MICU1: variants seen among roughly 807,000 people sequenced by gnomAD.
MICU1 encodes mitochondrial calcium uptake 1, also known as calcium uptake protein 1, mitochondrial.
MICU1 carries 45 observed loss-of-function variants against 56.8 expected under a neutral mutation model. The observed-to-expected ratio is 0.79, with a 90% confidence interval of 0.62 to 1.02. The LOEUF (loss-of-function observed/expected upper bound fraction) is 1.02. Ranked by LOEUF, MICU1 falls within the 50% of genes least tolerant of loss-of-function variation. The pLI, the probability that MICU1 is intolerant of heterozygous loss-of-function variation, is 0.00. For missense variants in MICU1, 504 were observed against 587.1 expected (o/e 0.86, Z 1.46); for synonymous variants, 186 against 195.1 (o/e 0.95, Z 0.39).
chr10:72,411,787 C>T (rs1324445187), intron 9 of MICU1, among the ~76,000 whole-genome samples: 1 of 152,122 alleles, frequency 6.6e-6, no homozygotes, highest in Non-Finnish European at 1.5e-5. Context: ...TAGTTTCTAA[C>T]TAACACTCTG....
At chr10:72,578,342 C>T (rs1564944443) in intron 1 of MICU1, among the ~76,000 whole-genome samples, 1 of 151,936 alleles carries the variant, frequency 6.6e-6, no homozygotes, top group East Asian at 1.9e-4. Flanking sequence ...ACAGCAAACT[C>T]TGCCTCTGGG....
At chr10:72,507,239 T>C (rs1474988498) in intron 6 of MICU1, among the ~76,000 whole-genome samples, 4 of 152,128 alleles carry the variant, frequency 2.6e-5, no homozygotes, top group African/African-American at 9.7e-5. Context: ...TAGATTTTAA[T>C]AGACTACACA....
At chr10:72,426,045 T>G (rs941784296) in intron 8 of MICU1, among the ~76,000 whole-genome samples, 4 of 152,172 alleles carry the variant, frequency 2.6e-5, no homozygotes, top group African/African-American at 9.7e-5. Flanking sequence ...AGCAACTTTT[T>G]TTGTTGTTGT....
chr10:72,482,214 T>C (rs1866321861), intron 6 of MICU1, among the ~76,000 whole-genome samples: 2 of 152,212 alleles, frequency 1.3e-5, no homozygotes, highest in African/African-American at 2.4e-5. Context: ...GAACTAAAGT[T>C]CTAATTCTGG....
intron 11 of MICU1, among the ~76,000 whole-genome samples, chr10:72,368,574 A>G (rs1862224515): frequency 6.6e-6 from 1 of 152,252 alleles, no homozygotes; most frequent in Non-Finnish European, 1.5e-5. Context: ...GTTGAATGAA[A>G]ATACAGTATA....
At chr10:72,505,741 A>G (rs1361300088) in intron 6 of MICU1, among the ~76,000 whole-genome samples, 3 of 152,156 alleles carry the variant, frequency 2.0e-5, no homozygotes, top group Non-Finnish European at 2.9e-5. Context: ...GTTCTCATTT[A>G]TAAGTGGGAG....
chr10:72,462,530 ATGC>A lies in MICU1; in HGVS notation c.933+12567_933+12569del, dbSNP rs553146270. On this transcript the variant is annotated intron_variant, in intron 8 of 11. Coordinates refer to ENST00000361114, the MANE Select transcript of MICU1 (RefSeq NM_001195518.2). ...TTTTGTTTGAATATATACTACACAT[ATGC>A]TCGAGACTGACAGAAGTCTGTAGCC... Among the ~76,000 whole-genome samples, 16 of 152,212 alleles carry A rather than the reference ATGC, an allele frequency of 1.1e-4. 1 individual carries two copies. The highest frequency in any genetic ancestry group is 2.1e-4 in the Non-Finnish European group (14 of 68,038).
In MICU1 at chr10:72,624,459, T is replaced by C. The variant is rs190575208; in HGVS notation, c.-2+1551A>G. ...TCCCAAATTGCTGGGATTATGGGCC[T>C]GAGACACCACACCCAGCCTGTTTTA... is the stretch of plus-strand genomic sequence containing the variant. On this transcript the variant is annotated intron_variant, in intron 1 of 11. Coordinates refer to ENST00000361114, the MANE Select transcript of MICU1 (RefSeq NM_001195518.2). 3.4e-3 allele frequency among the ~76,000 whole-genome samples: 520 copies of C among 152,326 alleles called. 1 individual carries two copies. Among genetic ancestry groups the C allele is most frequent in the African/African-American group, 0.012 (503 of 41,578 alleles).
chr10:72,375,695 G>C, intron 11 of MICU1, 88 bp downstream of exon 11: 1 of 1,226,236 alleles, frequency 8.2e-7, no homozygotes, highest in East Asian at 2.6e-5. Context: ...CTGGTACACA[G>C]ATGCTGTCCG....
intron 1 of MICU1, among the ~76,000 whole-genome samples, chr10:72,580,584 C>A (rs1840872989): frequency 6.6e-6 from 1 of 152,188 alleles, no homozygotes; most frequent in African/African-American, 2.4e-5. Context: ...TCAAGTGATT[C>A]TCCTGCCTCA....
At position 72,423,376 on chromosome 10, in the gene MICU1, G is replaced by C. The variant is rs57559047; in HGVS notation, c.934-5C>G. ...CACAGGGTCATGGCGTTCAAACTGGGAGGGAAACAGAAAGAATGTTCCTAG... is the reference window on the plus strand; with the variant it reads ...CACAGGGTCATGGCGTTCAAACTGGCAGGGAAACAGAAAGAATGTTCCTAG... On this transcript the variant is annotated splice_polypyrimidine_tract_variant and splice_region_variant and intron_variant, in intron 8 of 11. Transcript: ENST00000361114. 1.9e-6 allele frequency: 3 copies of C among 1,613,172 alleles called. No homozygotes were observed. Among genetic ancestry groups the C allele is most frequent in the East Asian group, 4.5e-5 (2 of 44,872 alleles).
chr10:72,620,676 C>T (rs1842082919), intron 1 of MICU1, among the ~76,000 whole-genome samples: 1 of 152,034 alleles, frequency 6.6e-6, no homozygotes, highest in African/African-American at 2.4e-5. Context: ...AATTGATCAC[C>T]CTGTTAGTTT....
intron 1 of MICU1, among the ~76,000 whole-genome samples, chr10:72,592,334 A>AG (rs938661899): frequency 1.1e-4 from 17 of 151,784 alleles, no homozygotes; most frequent in Admixed American, 6.6e-4. Flanking sequence ...GGAAAAAAAA[A>AG]AGAATTCTCC....
chr10:72,486,467 G>A (rs1318805004), intron 6 of MICU1, among the ~76,000 whole-genome samples: 1 of 151,986 alleles, frequency 6.6e-6, no homozygotes, highest in African/African-American at 2.4e-5. Context: ...AGTTCAATTT[G>A]TTTTTTTGTT....
At chr10:72,411,794 T>A (rs1863824025) in intron 9 of MICU1, among the ~76,000 whole-genome samples, 1 of 152,144 alleles carries the variant, frequency 6.6e-6, no homozygotes, top group Non-Finnish European at 1.5e-5. Flanking sequence ...TAACTAACAC[T>A]CTGAAACATC....
At chr10:72,384,150 T>A (rs1330535591) in intron 10 of MICU1, among the ~76,000 whole-genome samples, 1 of 152,078 alleles carries the variant, frequency 6.6e-6, no homozygotes, top group Non-Finnish European at 1.5e-5. Flanking sequence ...CGCGCCACCA[T>A]GCCTGGCTAA....
chr10:72,492,088 T>G (rs908329651), intron 6 of MICU1, among the ~76,000 whole-genome samples: 15 of 152,164 alleles, frequency 9.9e-5, no homozygotes, highest in Admixed American at 9.8e-4. Flanking sequence ...TAAATTCTAG[T>G]GCCCGCCAGT....
intron 2 of MICU1, among the ~76,000 whole-genome samples, chr10:72,564,488 G>A (rs1466100255): frequency 6.9e-6 from 1 of 144,176 alleles, no homozygotes; most frequent in African/African-American, 2.6e-5. Context: ...GCAGTGAGCC[G>A]AGATTGTACC....
chr10:72,485,132 GAAAT>G (rs1281758304), intron 6 of MICU1, among the ~76,000 whole-genome samples: 2 of 151,876 alleles, frequency 1.3e-5, no homozygotes, highest in Admixed American at 6.6e-5. Context: ...CCAAAATAAA[GAAAT>G]AAAGACAGGA....
Sources: allele counts gnomAD v4.1 joint callset (sites outside exome capture counted in the v4.1 genomes callset), GRCh38; gene constraint gnomAD v4.1.1; transcripts MANE v1.5; gene names NCBI Gene and HGNC (gene_info 2026-07-23, HGNC 2026-07-21).